RBMS3: variants seen among roughly 807,000 people sequenced by gnomAD.
The protein encoded by RBMS3 is RNA binding motif single stranded interacting protein 3.
Under a neutral mutation model 66.8 loss-of-function variants are expected in RBMS3, and 27 were observed. The ratio of observed to expected loss-of-function variants is 0.40; its 90% confidence interval spans 0.30 to 0.56. The LOEUF (loss-of-function observed/expected upper bound fraction) is 0.56, where lower values mean the gene tolerates loss of function less well. Among genes scored for constraint, RBMS3 ranks in the 20% least tolerant of loss-of-function variants. The pLI, the probability that RBMS3 is intolerant of heterozygous loss-of-function variation, is 0.40. For synonymous variants in RBMS3, 188 were observed against 183.0 expected, an observed-to-expected ratio of 1.03 and a Z score of -0.22; for missense variants, 513 against 549.5, an observed-to-expected ratio of 0.93 and a Z score of 0.66.
chr3:29,432,884 G>C (rs941828744), intron 1 of RBMS3, among the ~76,000 whole-genome samples: 10 of 152,140 alleles, frequency 6.6e-5, no homozygotes, highest in African/African-American at 2.4e-4. Context: ...TGGAGAAAAA[G>C]TCTGATAAAA....
At chr3:29,506,057 T>C (rs1420260545) in intron 3 of RBMS3, among the ~76,000 whole-genome samples, 1 of 151,880 alleles carries the variant, frequency 6.6e-6, no homozygotes, top group Admixed American at 6.6e-5. Flanking sequence ...CCATTTTGAA[T>C]GCCCTTTATT....
In RBMS3 at chr3:29,741,676, AG is replaced by A. The variant is rs1478156346; in HGVS notation, c.557+1800del. Reference sequence around the variant, plus strand: ...AGGATGTGTTCGTACAAAGTATATTAGTTTCCTAGGTCTGTCATAACAAAAT... The same window carrying A: ...AGGATGTGTTCGTACAAAGTATATTATTTCCTAGGTCTGTCATAACAAAAT... On this transcript the variant is annotated intron_variant, in intron 5 of 14. Transcript: ENST00000383767. Among the ~76,000 whole-genome samples the A allele has an allele frequency of 2.6e-5, 4 of 152,352 alleles. No homozygotes were observed. The East Asian group carries it at 7.7e-4, about 29-fold the overall frequency.
At position 29,829,480 on chromosome 3, in the gene RBMS3, C is replaced by G. The variant is rs2058305008; in HGVS notation, c.638-39378C>G. Among the ~76,000 whole-genome samples the G allele has an allele frequency of 2.0e-5, 3 of 152,286 alleles. No homozygotes were observed. In the South Asian group the frequency reaches 6.2e-4, roughly 32 times the overall value. On this transcript the variant is annotated intron_variant, in intron 6 of 14. Transcript: ENST00000383767. ...CTCTGGTGGCATTTCTTCTCTTCCT[C>G]TCACCTAACTTAAATCTTCTATTTC... is the stretch of plus-strand genomic sequence containing the variant.
intron 1 of RBMS3, among the ~76,000 whole-genome samples, chr3:29,343,342 G>T (rs1413713042): frequency 2.6e-5 from 4 of 151,580 alleles, no homozygotes; most frequent in African/African-American, 9.7e-5. Context: ...TAGTTGTACC[G>T]ACACTGATAA....
intron 1 of RBMS3, among the ~76,000 whole-genome samples, chr3:29,331,247 G>A (rs372443611): frequency 5.2e-4 from 79 of 152,154 alleles, no homozygotes; most frequent in African/African-American, 1.7e-3. Flanking sequence ...TTTGACTTGT[G>A]CAGGCTAGCA....
chr3:29,952,419 T>C (rs971034010), intron 12 of RBMS3, among the ~76,000 whole-genome samples: 5 of 151,872 alleles, frequency 3.3e-5, no homozygotes, highest in African/African-American at 1.2e-4. Flanking sequence ...ATGCAGCAGT[T>C]GGAACAACCT....
At chr3:29,743,579 A>G (rs188560989) in intron 5 of RBMS3, among the ~76,000 whole-genome samples, 3 of 152,104 alleles carry the variant, frequency 2.0e-5, no homozygotes, top group Non-Finnish European at 4.4e-5. Context: ...AGCACTTTAG[A>G]TGACTCTAAA....
chr3:29,412,495 A>G (rs1275916760), intron 1 of RBMS3, among the ~76,000 whole-genome samples: 1 of 152,170 alleles, frequency 6.6e-6, no homozygotes, highest in Non-Finnish European at 1.5e-5. Flanking sequence ...GGCAACATAT[A>G]CTTATCTAAT....
At chr3:29,787,860 G>A (rs1170122784) in intron 6 of RBMS3, among the ~76,000 whole-genome samples, 1 of 151,962 alleles carries the variant, frequency 6.6e-6, no homozygotes, top group Non-Finnish European at 1.5e-5. Context: ...AAAAATTAAA[G>A]TAAAATAAAA....
chr3:29,957,495 G>A (rs1696120374), intron 12 of RBMS3, among the ~76,000 whole-genome samples: 1 of 152,132 alleles, frequency 6.6e-6, no homozygotes, highest in Non-Finnish European at 1.5e-5. Context: ...AGTGCAGAGA[G>A]CTTTCTGAAG....
At chr3:29,697,756 G>C (rs2052346789) in intron 4 of RBMS3, among the ~76,000 whole-genome samples, 1 of 151,988 alleles carries the variant, frequency 6.6e-6, no homozygotes, top group African/African-American at 2.4e-5. Context: ...AGTAATTTTG[G>C]GCATGAAACA....
chr3:29,787,661 T>C (rs891289781), intron 6 of RBMS3, among the ~76,000 whole-genome samples: 1 of 152,134 alleles, frequency 6.6e-6, no homozygotes, highest in Admixed American at 6.5e-5. Flanking sequence ...ATAAGAATTA[T>C]ACATTGGACT....
chr3:29,924,762 G>C (rs564735148), intron 10 of RBMS3: 1 of 152,636 alleles, frequency 6.6e-6, no homozygotes, highest in East Asian at 1.9e-4. Flanking sequence ...TTGAACCTGG[G>C]AGGCGGAGAT....
Position 29,682,386 on chromosome 3 carries a change from C to A in RBMS3, c.400-57334C>A, listed in dbSNP as rs189348640. ...GCCAGGATGGTCTCCGTCTCCTGAC[C>A]TCATGATCCGCCGGCCTTGGCCTCC... On this transcript the variant is annotated intron_variant, in intron 4 of 14. Transcript: ENST00000383767. 1.3e-3 allele frequency among the ~76,000 whole-genome samples: 202 copies of A among 152,342 alleles called. 2 individuals are homozygous for A. The highest frequency in any genetic ancestry group is 4.2e-3 in the Admixed American group (64 of 15,304).
chr3:29,925,095 A>T (rs1020501679), intron 10 of RBMS3: 3 of 152,182 alleles, frequency 2.0e-5, no homozygotes, highest in Admixed American at 6.5e-5. Context: ...AGTAGTTGGA[A>T]ATTTGGATCA....
intron 13 of RBMS3, among the ~76,000 whole-genome samples, chr3:29,988,840 G>T (rs752009256): frequency 6.6e-6 from 1 of 152,314 alleles, no homozygotes; most frequent in Middle Eastern, 3.4e-3. Flanking sequence ...TACTGCATCT[G>T]AATTTGCATT....
At chr3:29,722,457 CA>C (rs2053681905) in intron 4 of RBMS3, among the ~76,000 whole-genome samples, 2 of 152,174 alleles carry the variant, frequency 1.3e-5, no homozygotes, top group South Asian at 4.1e-4. Flanking sequence ...TAATCAACAT[CA>C]GGAAATTAAC....
At chr3:29,647,268 C>A (rs538694810) in intron 4 of RBMS3, among the ~76,000 whole-genome samples, 134 of 152,284 alleles carry the variant, frequency 8.8e-4, no homozygotes, top group African/African-American at 3.0e-3. Context: ...CGTGAGCCAC[C>A]GTGCACGGCC....
intron 1 of RBMS3, among the ~76,000 whole-genome samples, chr3:29,392,527 A>T (rs60809392): frequency 0.023 from 3,531 of 152,280 alleles, 146 homozygotes; most frequent in African/African-American, 0.08. Context: ...AAATTAATAC[A>T]TTAATGAAAT....
Sources: allele counts gnomAD v4.1 joint callset (sites outside exome capture counted in the v4.1 genomes callset), GRCh38; gene constraint gnomAD v4.1.1; transcripts MANE v1.5; gene names NCBI Gene and HGNC (gene_info 2026-07-23, HGNC 2026-07-21).